NUP54: variants seen among roughly 807,000 people sequenced by gnomAD.
NUP54 encodes nucleoporin p54.
Under a neutral mutation model 66.4 loss-of-function variants are expected in NUP54, and 27 were observed. The ratio of observed to expected loss-of-function variants is 0.41; its 90% CI spans 0.30 to 0.56. The LOEUF (loss-of-function observed/expected upper bound fraction) is 0.56. Among genes scored for constraint, NUP54 ranks in the 20% least tolerant of loss-of-function variants. The pLI, the probability that NUP54 is intolerant of heterozygous loss-of-function variation, is 0.34. For missense variants in NUP54, 486 were observed against 596.3 expected (o/e 0.82, Z 1.93); for synonymous variants, 206 against 210.7 (o/e 0.98, Z 0.19).
chr4:76,127,369 T>G (rs1465174180), intron 8 of NUP54, among the ~76,000 whole-genome samples: 3 of 145,154 alleles, frequency 2.1e-5, no homozygotes, highest in African/African-American at 7.8e-5. Flanking sequence ...GAGGCGGAGC[T>G]TGCAGTGAGC....
chr4:76,135,523 C>T (rs1056632853), intron 4 of NUP54, among the ~76,000 whole-genome samples: 1 of 152,198 alleles, frequency 6.6e-6, no homozygotes, highest in African/African-American at 2.4e-5. Flanking sequence ...AGGCTGACCA[C>T]TTTATTCAAG....
In NUP54 at chr4:76,147,819, C is replaced by A. The variant is rs924851852; in HGVS notation, c.67+489G>T. ...GGTGGGGTGGGGCAGATGGAAGAAG[C>A]ATGACGGATAAACCCCACAGCGAGG... On this transcript the variant is annotated intron_variant, in intron 1 of 11. Transcript: ENST00000264883. The A allele has an allele frequency of 4.0e-5, 15 of 372,572 alleles. 1 individual carries two copies. The East Asian group carries it at 1.1e-3, about 27-fold the overall frequency. 23.1% of individuals were successfully genotyped at this position (372,572 alleles called of 1,614,324 possible).
At chr4:76,118,983 G>A (rs1730102533) in intron 9 of NUP54, among the ~76,000 whole-genome samples, 1 of 152,034 alleles carries the variant, frequency 6.6e-6, no homozygotes, top group South Asian at 2.1e-4. Flanking sequence ...TCCAGCCTGG[G>A]CAACAGAGCG....
chr4:76,132,475 G>C (rs747615381), intron 6 of NUP54, 48 bp downstream of exon 6: 1 of 1,458,004 alleles, frequency 6.9e-7, no homozygotes, highest in African/African-American at 1.4e-5. Flanking sequence ...GGAGTGTTTA[G>C]TTCTAAATCT....
At chr4:76,144,057 TA>T in intron 3 of NUP54, 91 bp downstream of exon 3, 1 of 1,258,018 alleles carries the variant, frequency 7.9e-7, no homozygotes, top group Non-Finnish European at 1.1e-6. Context: ...ATAATTCTTA[TA>T]AAAAGTCCAC....
At chr4:76,118,623 CTTAA>C (rs1227802089) in intron 9 of NUP54, among the ~76,000 whole-genome samples, 4 of 144,886 alleles carry the variant, frequency 2.8e-5, no homozygotes, top group African/African-American at 5.1e-5. Flanking sequence ...AACTCCTGGG[CTTAA>C]TTAAGTGATC....
In NUP54 at chr4:76,132,653, T is replaced by G. The variant is rs539338752; in HGVS notation, c.777A>C (p.Thr259=). Residue 259 remains threonine (T), a synonymous_variant, in exon 6 of 12, where the codon ACA becomes ACC. Coordinates refer to ENST00000264883, the MANE Select transcript of NUP54 (RefSeq NM_017426.4). ...PNGTSRRVPA[T]TLYAHFEQAN... ...CTTGTTCAAAATGGGCATATAGCGT[T>G]GTAGCTGGAACTCTTCTTGAAGTAC... 6.2e-7 allele frequency: 1 copy of G among 1,614,108 alleles called. No individual in the cohort carries two copies. The highest frequency in any genetic ancestry group is 2.2e-5 in the East Asian group (1 of 44,870).
rs140920722 is a variant in NUP54, at chr4:76,134,285, T to C, written c.600A>G (p.Thr200=). ...LVVLVFNKKE[T]EIRSQQQQLV... Reference sequence around the variant, plus strand: ...ACTGTTGTTGTTGGCTTCGAATCTCTGTTTCTTTTTTGTTGAAAACTAAAA... The same window carrying C: ...ACTGTTGTTGTTGGCTTCGAATCTCCGTTTCTTTTTTGTTGAAAACTAAAA... The change falls in exon 5 of 12, where the codon ACA becomes ACG. Residue 200 remains threonine (T), a synonymous_variant. Coordinates refer to ENST00000264883, the MANE Select transcript of NUP54 (RefSeq NM_017426.4). 553 of 1,613,832 alleles carry C rather than the reference T, an allele frequency of 3.4e-4. 2 individuals are homozygous for C. Among genetic ancestry groups the C allele is most frequent in the Non-Finnish European group, 4.5e-4 (533 of 1,179,904 alleles).
At chr4:76,130,479 T>C (rs773697447) in intron 8 of NUP54, among the ~76,000 whole-genome samples, 177 bp downstream of exon 8, 11 of 152,318 alleles carry the variant, frequency 7.2e-5, no homozygotes, top group Non-Finnish European at 1.3e-4. Flanking sequence ...ATCAGATTCA[T>C]GTGATTTGGG....
At chr4:76,131,400 T>A in intron 6 of NUP54, 116 bp from the exon 7 acceptor site, 1 of 565,664 alleles carries the variant, frequency 1.8e-6, no homozygotes. Context: ...GAAAAGTGAC[T>A]GTCAAATATA....
chr4:76,130,978 C>A, intron 7 of NUP54: 1 of 598,540 alleles, frequency 1.7e-6, no homozygotes, highest in Admixed American at 3.1e-5. Flanking sequence ...TAAATGAAAA[C>A]GCAAATAGAA....
At chr4:76,144,023 T>A in intron 3 of NUP54, 126 bp downstream of exon 3, 1 of 979,910 alleles carries the variant, frequency 1.0e-6, no homozygotes. Flanking sequence ...AAAAGTAACA[T>A]TCCTAATCCT....
At chr4:76,125,690 G>GA (rs372689265) in intron 8 of NUP54, among the ~76,000 whole-genome samples, 2,194 of 30,530 alleles carry the variant, frequency 0.072, 387 homozygotes, top group East Asian at 0.38. Flanking sequence ...GGGAGAGGGA[G>GA]AGAGGGAGAA....
intron 5 of NUP54, 61 bp from the exon 6 acceptor site, chr4:76,132,780 A>ACT (rs1180333480): frequency 8.5e-7 from 1 of 1,174,958 alleles, no homozygotes; most frequent in African/African-American, 1.6e-5. Context: ...GACAAACCTC[A>ACT]GCATATCATA....
At chr4:76,133,721 A>T (rs897094170) in intron 5 of NUP54, among the ~76,000 whole-genome samples, 1 of 149,020 alleles carries the variant, frequency 6.7e-6, no homozygotes, top group African/African-American at 2.4e-5. Flanking sequence ...TTACAACCAC[A>T]AGTAAAATCT....
At chr4:76,120,455 A>C (rs1451037710) in intron 9 of NUP54, among the ~76,000 whole-genome samples, 14 of 119,946 alleles carry the variant, frequency 1.2e-4, no homozygotes, top group Admixed American at 5.2e-4. Flanking sequence ...CCCCAGATGG[A>C]GTTGCACTCT....
intron 6 of NUP54, among the ~76,000 whole-genome samples, 174 bp from the exon 7 acceptor site, chr4:76,131,458 A>C (rs907509433): frequency 6.6e-6 from 1 of 152,062 alleles, no homozygotes; most frequent in Admixed American, 6.5e-5. Flanking sequence ...AGTTCAAAAA[A>C]AGCACAGATT....
chr4:76,119,965 T>C (rs942497507), intron 9 of NUP54, among the ~76,000 whole-genome samples: 3 of 152,154 alleles, frequency 2.0e-5, no homozygotes, highest in Admixed American at 2.0e-4. Context: ...ATTAAAATAA[T>C]TTTATTATCA....
intron 9 of NUP54, among the ~76,000 whole-genome samples, chr4:76,118,624 T>C (rs969365252): frequency 4.1e-5 from 6 of 147,718 alleles, no homozygotes; most frequent in Non-Finnish European, 8.9e-5. Flanking sequence ...ACTCCTGGGC[T>C]TAATTAAGTG....
Sources: allele counts gnomAD v4.1 joint callset (sites outside exome capture counted in the v4.1 genomes callset), GRCh38; gene constraint gnomAD v4.1.1; transcripts MANE v1.5; gene names NCBI Gene and HGNC (gene_info 2026-07-23, HGNC 2026-07-21).